The following ASAP2 variants were observed in gnomAD, a reference collection of about 807,000 sequenced individuals.
The protein encoded by ASAP2 is ArfGAP with SH3 domain, ankyrin repeat and PH domain 2.
In ASAP2, 45 loss-of-function variants were observed where a neutral mutation model predicts 131.4. The observed-to-expected ratio is 0.34, with a 90% CI of 0.27 to 0.44. ASAP2 has a LOEUF of 0.44. Ranked by LOEUF, ASAP2 falls within the 20% of genes least tolerant of loss-of-function variation. The pLI is 1.00. For synonymous variants in ASAP2, 510 were observed against 503.0 expected, an observed-to-expected ratio of 1.01 and a Z score of -0.19; for missense variants, 1,011 against 1,297.0, an observed-to-expected ratio of 0.78 and a Z score of 3.39.
At chr2:9,271,091 C>T (rs1312912976) in intron 1 of ASAP2, among the ~76,000 whole-genome samples, 1 of 144,728 alleles carries the variant, frequency 6.9e-6, no homozygotes, top group Non-Finnish European at 1.5e-5. Flanking sequence ...CCGCGCCCGG[C>T]CCTGTTTTCA....
At chr2:9,286,253 C>G (rs2148342075) in intron 2 of ASAP2, among the ~76,000 whole-genome samples, 1 of 151,906 alleles carries the variant, frequency 6.6e-6, no homozygotes, top group East Asian at 1.9e-4. Flanking sequence ...CAAAAATTAG[C>G]TGGGCATGAT....
chr2:9,300,036 A>G (rs1668383743), intron 3 of ASAP2, among the ~76,000 whole-genome samples: 1 of 152,202 alleles, frequency 6.6e-6, no homozygotes, highest in Admixed American at 6.5e-5. Flanking sequence ...GTTCAAGACC[A>G]GCCTGGGCAA....
Position 9,403,628 on chromosome 2 carries a change from A to C in ASAP2, c.*301A>C. ...GATCCTGCCTCTACGGAATTAGCTA[A>C]ACCTAAAAATGTTTGCATTAATGAA... On this transcript the variant is annotated 3_prime_UTR_variant, in exon 28 of 28. Coordinates refer to ENST00000281419, the MANE Select transcript of ASAP2 (RefSeq NM_003887.3). 1 of 305,508 alleles carries C rather than the reference A, an allele frequency of 3.3e-6. No individual in the cohort carries two copies. 18.9% of individuals were successfully genotyped at this position (305,508 alleles called of 1,614,324 possible).
intron 11 of ASAP2, among the ~76,000 whole-genome samples, chr2:9,345,767 C>T (rs933872883): frequency 2.0e-5 from 3 of 152,122 alleles, no homozygotes; most frequent in Admixed American, 1.3e-4. Flanking sequence ...GGCAGGAGCT[C>T]AGAGGGGCTT....
At chr2:9,230,079 A>C (rs1663052774) in intron 1 of ASAP2, among the ~76,000 whole-genome samples, 1 of 152,230 alleles carries the variant, frequency 6.6e-6, no homozygotes, top group Non-Finnish European at 1.5e-5. Flanking sequence ...TACATACTGC[A>C]TTAAAGGTCC....
intron 5 of ASAP2, 89 bp from the exon 6 acceptor site, chr2:9,323,032 G>C (rs1448483614): frequency 1.3e-6 from 2 of 1,525,808 alleles, no homozygotes; most frequent in African/African-American, 2.8e-5. Context: ...CGTTGGTCTC[G>C]CCAGGCTGGG....
chr2:9,275,378 C>T (rs1666695526), intron 1 of ASAP2, among the ~76,000 whole-genome samples: 1 of 152,244 alleles, frequency 6.6e-6, no homozygotes, highest in East Asian at 1.9e-4. Context: ...CAGCCTAGTC[C>T]TTGTGTTCTT....
intron 15 of ASAP2, among the ~76,000 whole-genome samples, chr2:9,361,672 A>G (rs539562272): frequency 1.3e-5 from 2 of 151,876 alleles, no homozygotes; most frequent in South Asian, 2.1e-4. Flanking sequence ...GGTTCAAGCA[A>G]TCCTCCCACC....
intron 2 of ASAP2, among the ~76,000 whole-genome samples, chr2:9,290,798 T>C (rs1444223100): frequency 6.6e-6 from 1 of 152,212 alleles, no homozygotes; most frequent in Non-Finnish European, 1.5e-5. Context: ...TGCAGGATCC[T>C]GGGCTTGTTC....
intron 1 of ASAP2, among the ~76,000 whole-genome samples, chr2:9,210,937 C>T (rs977212059): frequency 7.9e-5 from 12 of 151,920 alleles, no homozygotes; most frequent in Non-Finnish European, 4.4e-5. Context: ...GGGCAGATCA[C>T]TTGGGGTCAG....
intron 1 of ASAP2, among the ~76,000 whole-genome samples, chr2:9,247,158 AG>A (rs908097028): frequency 4.0e-4 from 61 of 152,270 alleles, no homozygotes; most frequent in African/African-American, 1.4e-3. Flanking sequence ...TTTTTAATTG[AG>A]GAGAAAGGTC....
At chr2:9,216,571 G>A (rs912808688) in intron 1 of ASAP2, among the ~76,000 whole-genome samples, 1 of 140,280 alleles carries the variant, frequency 7.1e-6, no homozygotes, top group Non-Finnish European at 1.5e-5. Context: ...AGTGATTCTT[G>A]TGCCTCAGCC....
chr2:9,247,553 A>G (rs539949250), intron 1 of ASAP2, among the ~76,000 whole-genome samples: 1 of 152,292 alleles, frequency 6.6e-6, no homozygotes, highest in East Asian at 1.9e-4. Context: ...TAAGGCAGCC[A>G]TGTGGATGGG....
At chr2:9,216,327 C>T (rs1268402949) in intron 1 of ASAP2, among the ~76,000 whole-genome samples, 1 of 148,994 alleles carries the variant, frequency 6.7e-6, no homozygotes, top group Admixed American at 6.8e-5. Context: ...GGCTCTGTTG[C>T]CCAGGCTTGA....
chr2:9,285,085 G>A (rs1418332550), intron 2 of ASAP2, among the ~76,000 whole-genome samples: 5 of 152,140 alleles, frequency 3.3e-5, no homozygotes. Flanking sequence ...CTTTAGATGA[G>A]GGCATGAGAG....
At chr2:9,398,379 C>T (rs996789010) in intron 24 of ASAP2, among the ~76,000 whole-genome samples, 1 of 151,956 alleles carries the variant, frequency 6.6e-6, no homozygotes, top group South Asian at 2.1e-4. Flanking sequence ...AGCATGGTGG[C>T]GTGCACCTGT....
chr2:9,212,158 G>GT (rs1661606838), intron 1 of ASAP2, among the ~76,000 whole-genome samples: 1 of 152,178 alleles, frequency 6.6e-6, no homozygotes, highest in Non-Finnish European at 1.5e-5. Flanking sequence ...GTCCTTCAGT[G>GT]TGCTGGGCTG....
chr2:9,397,748 A>ATTTTTTTTTTTT (rs1268045075), intron 24 of ASAP2, among the ~76,000 whole-genome samples: 3 of 65,748 alleles, frequency 4.6e-5, no homozygotes, highest in African/African-American at 2.4e-4. Flanking sequence ...ATATATATAT[A>ATTTTTTTTTTTT]TATTTTTTTT....
intron 3 of ASAP2, among the ~76,000 whole-genome samples, chr2:9,316,325 G>A (rs1669671246): frequency 6.6e-6 from 1 of 152,090 alleles, no homozygotes; most frequent in African/African-American, 2.4e-5. Flanking sequence ...AAAAAAATTA[G>A]TACACTGAAT....
Sources: gnomAD v4.1 joint callset for allele counts (sites outside exome capture counted in the v4.1 genomes callset) on GRCh38, gnomAD v4.1.1 for gene constraint, MANE v1.5 for transcripts, NCBI Gene and HGNC (gene_info 2026-07-23, HGNC 2026-07-21) for gene names.